PLCH1: variants seen among roughly 807,000 people sequenced by gnomAD.
PLCH1 encodes the protein phospholipase C eta 1.
Under a neutral mutation model 126.7 loss-of-function variants are expected in PLCH1, and 60 were observed. The observed-to-expected ratio is 0.47, with a 90% confidence interval of 0.38 to 0.59. The LOEUF (loss-of-function observed/expected upper bound fraction) is 0.59, where lower values mean the gene tolerates loss of function less well. Among genes scored for constraint, PLCH1 ranks in the 20% least tolerant of loss-of-function variants. The pLI, the probability that PLCH1 is intolerant of heterozygous loss-of-function variation, is 0.00. For synonymous variants in PLCH1, 719 were observed against 734.9 expected, an observed-to-expected ratio of 0.98 and a Z score of 0.35; for missense variants, 1,723 against 2,040.0, an observed-to-expected ratio of 0.84 and a Z score of 2.99.
intron 10 of PLCH1, among the ~76,000 whole-genome samples, chr3:155,545,287 G>A (rs1427089103): frequency 6.6e-6 from 1 of 151,466 alleles, no homozygotes; most frequent in Admixed American, 6.6e-5. Context: ...AGAAAATCTA[G>A]AAGAAATGGA....
chr3:155,496,913 G>A (rs1717116062), intron 15 of PLCH1, among the ~76,000 whole-genome samples: 1 of 152,178 alleles, frequency 6.6e-6, no homozygotes, highest in Non-Finnish European at 1.5e-5. Context: ...AGAAAATATA[G>A]GGCTTTTCAA....
intron 13 of PLCH1, among the ~76,000 whole-genome samples, chr3:155,503,530 C>T (rs28575712): frequency 0.39 from 58,336 of 148,442 alleles, 14,877 homozygotes; most frequent in African/African-American, 0.72. Flanking sequence ...AGTATTGTTA[C>T]TTCTGTCTTT....
Position 155,488,817 on chromosome 3 carries a change from TA to T in PLCH1, c.2393-12del, listed in dbSNP as rs774593157. 2 of 1,595,740 alleles carry T rather than the reference TA, an allele frequency of 1.3e-6. No homozygotes were observed. The highest frequency in any genetic ancestry group is 2.7e-5 in the African/African-American group (2 of 73,672). On this transcript the variant is annotated splice_polypyrimidine_tract_variant and intron_variant, in intron 19 of 22. Coordinates refer to ENST00000460012, the MANE Select transcript of PLCH1 (RefSeq NM_014996.4). Reference sequence around the variant, plus strand: ...ACACAGGGTTAAATCCTCAGAGAAATAGGAAAAGAAAAATCAGAAAAGCAAA... The same window carrying T: ...ACACAGGGTTAAATCCTCAGAGAAATGGAAAAGAAAAATCAGAAAAGCAAA...
At chr3:155,580,845 T>C (rs1340543749) in intron 6 of PLCH1, among the ~76,000 whole-genome samples, 1 of 152,206 alleles carries the variant, frequency 6.6e-6, no homozygotes, top group Non-Finnish European at 1.5e-5. Flanking sequence ...TCACATTCTC[T>C]TTCCTTTTAT....
At chr3:155,605,177 G>A (rs1012931962) in intron 2 of PLCH1, among the ~76,000 whole-genome samples, 3 of 152,178 alleles carry the variant, frequency 2.0e-5, no homozygotes, top group Non-Finnish European at 2.9e-5. Flanking sequence ...TCTCCACCAC[G>A]TGGAGGGTGG....
intron 10 of PLCH1, among the ~76,000 whole-genome samples, chr3:155,530,492 T>C (rs1242058897): frequency 6.6e-6 from 1 of 152,154 alleles, no homozygotes; most frequent in Non-Finnish European, 1.5e-5. Flanking sequence ...AATTTTTTTG[T>C]ATTTTTAGTA....
chr3:155,514,873 G>C lies in PLCH1; in HGVS notation c.1482C>G (p.Thr494=). ...CKFKLHYSNG[T]TEHQVESFIR... is the part of the protein sequence containing the mutation. ...TGAAAGATTCCACCTGATGCTCAGTGGTCCCATTACTCTGCAAAGAATTAA... is the reference window on the plus strand; with the variant it reads ...TGAAAGATTCCACCTGATGCTCAGTCGTCCCATTACTCTGCAAAGAATTAA... The change falls in exon 12 of 23, where the codon ACC becomes ACG. Residue 494 remains threonine (T), a synonymous_variant. Transcript: ENST00000460012. The C allele has an allele frequency of 6.2e-7, 1 of 1,603,850 alleles. No individual in the cohort carries two copies. The highest frequency in any genetic ancestry group is 1.3e-5 in the African/African-American group (1 of 74,740).
intron 2 of PLCH1, among the ~76,000 whole-genome samples, chr3:155,622,884 G>T (rs950728592): frequency 1.3e-5 from 2 of 152,056 alleles, no homozygotes; most frequent in Non-Finnish European, 2.9e-5. Context: ...TGTATCCAGG[G>T]CGTGAACTCA....
At chr3:155,743,342 G>A in intron 1 of PLCH1, 1 of 403,860 alleles carries the variant, frequency 2.5e-6, no homozygotes, top group Non-Finnish European at 4.8e-6. Flanking sequence ...GACCAGCCTG[G>A]CCAATATGGT....
At chr3:155,574,946 C>G (rs558412863) in intron 6 of PLCH1, among the ~76,000 whole-genome samples, 3 of 151,964 alleles carry the variant, frequency 2.0e-5, no homozygotes, top group Admixed American at 1.3e-4. Context: ...GCCTTGCCAA[C>G]GTGGTGAAAC....
chr3:155,545,757 C>G (rs1380390119), intron 10 of PLCH1, among the ~76,000 whole-genome samples: 1 of 151,358 alleles, frequency 6.6e-6, no homozygotes, highest in African/African-American at 2.4e-5. Context: ...TAAATGTAAT[C>G]CAGCATATAA....
chr3:155,470,581 C>G (rs978292601), intron 21 of PLCH1, among the ~76,000 whole-genome samples: 1 of 152,108 alleles, frequency 6.6e-6, no homozygotes, highest in East Asian at 1.9e-4. Flanking sequence ...GAAAACGCCA[C>G]AAAGATACTC....
intron 10 of PLCH1, among the ~76,000 whole-genome samples, chr3:155,541,738 A>G (rs1000901858): frequency 6.6e-6 from 1 of 152,236 alleles, no homozygotes; most frequent in African/African-American, 2.4e-5. Context: ...ACACAGAGAC[A>G]CAAAGTGAGC....
intron 3 of PLCH1, among the ~76,000 whole-genome samples, chr3:155,595,517 C>T (rs988646823): frequency 6.6e-6 from 1 of 152,084 alleles, no homozygotes; most frequent in African/African-American, 2.4e-5. Context: ...CATCAGTGGC[C>T]CCCAGGTTCT....
intron 14 of PLCH1, 39 bp from the exon 15 acceptor site, chr3:155,497,456 T>A (rs1264987628): frequency 7.1e-7 from 1 of 1,414,784 alleles, no homozygotes; most frequent in African/African-American, 1.4e-5. Flanking sequence ...CATTTTGGAG[T>A]TGAAAGAGGT....
chr3:155,630,438 T>C (rs1737893675), intron 2 of PLCH1, among the ~76,000 whole-genome samples: 2 of 152,178 alleles, frequency 1.3e-5, no homozygotes, highest in South Asian at 4.1e-4. Flanking sequence ...TATAGTGGAG[T>C]CACCCAGCTG....
rs192256592 is a variant in PLCH1, at chr3:155,585,764, G to A, written c.600+301C>T. Among the ~76,000 whole-genome samples, 213 of 152,284 alleles carry A rather than the reference G, an allele frequency of 1.4e-3. 1 individual carries two copies. Among genetic ancestry groups the A allele is most frequent in the Admixed American group, 2.5e-3 (38 of 15,292 alleles). ...ATTCTGATCCTCACAAGAGCCCTGCGAAGTAGGCAAATGAGGTATTACTGT... is the reference window on the plus strand; with the variant it reads ...ATTCTGATCCTCACAAGAGCCCTGCAAAGTAGGCAAATGAGGTATTACTGT... On this transcript the variant is annotated intron_variant, in intron 5 of 22. Transcript: ENST00000460012.
chr3:155,646,426 A>G (rs1386980888), intron 2 of PLCH1, among the ~76,000 whole-genome samples: 4 of 152,154 alleles, frequency 2.6e-5, no homozygotes. Flanking sequence ...AGCTAGTGTC[A>G]CAGTTCTGTC....
intron 2 of PLCH1, among the ~76,000 whole-genome samples, chr3:155,692,632 C>G (rs1012958931): frequency 6.6e-6 from 1 of 152,118 alleles, no homozygotes; most frequent in Non-Finnish European, 1.5e-5. Context: ...CTGTTGCCTG[C>G]TTCTTGGGAA....
Sources: allele counts gnomAD v4.1 joint callset (sites outside exome capture counted in the v4.1 genomes callset), GRCh38; gene constraint gnomAD v4.1.1; transcripts MANE v1.5; gene names NCBI Gene and HGNC (gene_info 2026-07-23, HGNC 2026-07-21).